The following RFTN1 variants were observed in gnomAD, a reference collection of about 807,000 sequenced individuals.
RFTN1 encodes raftlin, lipid raft linker 1.
Under a neutral mutation model 46.5 loss-of-function variants are expected in RFTN1, and 26 were observed. The observed-to-expected ratio is 0.56, with a 90% CI of 0.41 to 0.78. The LOEUF (loss-of-function observed/expected upper bound fraction) is 0.78, where lower values mean the gene tolerates loss of function less well. RFTN1 is among the 30% of genes least tolerant of loss of function. The probability of loss-of-function intolerance (pLI) is 0.00; values close to 1 mark genes in which losing one functional copy is unlikely to be tolerated. For missense variants in RFTN1, 693 were observed against 718.7 expected (o/e 0.96, Z 0.41); for synonymous variants, 261 against 284.2 (o/e 0.92, Z 0.82).
intron 3 of RFTN1, among the ~76,000 whole-genome samples, chr3:16,431,976 C>T (rs936440669): frequency 2.0e-5 from 3 of 152,134 alleles, no homozygotes; most frequent in Admixed American, 6.5e-5. Context: ...ATCCGTGTGA[C>T]CTTGACAACT....
chr3:16,434,073 A>G, intron 2 of RFTN1, 36 bp from the exon 3 acceptor site: 2 of 1,515,032 alleles, frequency 1.3e-6, no homozygotes, highest in Non-Finnish European at 8.8e-7. Flanking sequence ...TCAAAGACCC[A>G]TCACAACGCC....
intron 2 of RFTN1, among the ~76,000 whole-genome samples, chr3:16,477,649 G>C (rs1435373578): frequency 6.6e-6 from 1 of 152,162 alleles, no homozygotes; most frequent in East Asian, 1.9e-4. Context: ...TGGCACCCAG[G>C]AAAAAACAAT....
At position 16,365,925 on chromosome 3, in the gene RFTN1, C is replaced by T. The variant is rs114137170; in HGVS notation, c.1030+4151G>A. ...AAAAGAGAAGTGAGGATACAGTCAC[C>T]GCAAACACCGACTGTTACTGGAGTA... On this transcript the variant is annotated intron_variant, in intron 6 of 9. Transcript: ENST00000334133. Among the ~76,000 whole-genome samples, 1,356 of 152,248 alleles carry T rather than the reference C, an allele frequency of 8.9e-3. 25 individuals carry two copies. Among genetic ancestry groups the T allele is most frequent in the African/African-American group, 0.031 (1,307 of 41,514 alleles).
intron 3 of RFTN1, among the ~76,000 whole-genome samples, chr3:16,432,530 A>C (rs979926065): frequency 1.3e-5 from 2 of 152,112 alleles, no homozygotes; most frequent in Non-Finnish European, 2.9e-5. Context: ...GGAAATAAAA[A>C]AGAAAAGAAA....
rs1160828401 is a variant in RFTN1, at chr3:16,451,855, G to A, written c.146-17818C>T. On this transcript the variant is annotated intron_variant, in intron 2 of 9. Transcript: ENST00000334133. The surrounding 1 kb of genome is among the most constrained non-coding windows in gnomAD (Gnocchi z 4.2). The stretch of plus-strand genomic sequence containing the variant: ...AGGAAGCTCTTTACAGCTTCATTTT[G>A]GCATATCCGAATTGCCAGCATCACT... 6.6e-6 allele frequency among the ~76,000 whole-genome samples: 1 copy of A among 152,028 alleles called. No individual in the cohort carries two copies.
chr3:16,383,067 T>C lies in RFTN1; in HGVS notation c.442-4965A>G, dbSNP rs192357430. Among the ~76,000 whole-genome samples, 26 of 152,272 alleles carry C rather than the reference T, an allele frequency of 1.7e-4. No homozygotes were observed. In the East Asian group the frequency reaches 2.3e-3, roughly 14 times the overall value. ...TGCATTCCCTTAGGCCTCAAAATCATACCTTACAGAAGAGAAAACTGCTTA... is the reference window on the plus strand; with the variant it reads ...TGCATTCCCTTAGGCCTCAAAATCACACCTTACAGAAGAGAAAACTGCTTA... On this transcript the variant is annotated intron_variant, in intron 4 of 9. Transcript: ENST00000334133. This position sits in a 1 kb window ranked among gnomAD's most constrained non-coding sequence, Gnocchi z 4.0.
intron 2 of RFTN1, 45 bp from the exon 3 acceptor site, chr3:16,434,082 C>T: frequency 6.8e-7 from 1 of 1,479,942 alleles, no homozygotes; most frequent in Non-Finnish European, 9.0e-7. Context: ...CATCACAACG[C>T]CCACTCAGCC....
At position 16,495,347 on chromosome 3, in the gene RFTN1, G is replaced by A. The variant is rs932239133; in HGVS notation, c.-8-1470C>T. On this transcript the variant is annotated intron_variant, in intron 1 of 9. Coordinates refer to ENST00000334133, the MANE Select transcript of RFTN1 (RefSeq NM_015150.2). ...GGAAGCTTCTAAGTGTTGGGAACAC[G>A]TAGCCCGTCAAGATGTGCACTGTTA... 2.6e-5 allele frequency among the ~76,000 whole-genome samples: 4 copies of A among 152,344 alleles called. No individual in the cohort carries two copies. In the South Asian group the frequency reaches 6.2e-4, roughly 24 times the overall value.
intron 2 of RFTN1, among the ~76,000 whole-genome samples, chr3:16,436,011 T>C (rs958012996): frequency 6.6e-6 from 1 of 151,344 alleles, no homozygotes; most frequent in African/African-American, 2.4e-5. Flanking sequence ...TAGAGTATTA[T>C]GGATTTATCT....
intron 4 of RFTN1, among the ~76,000 whole-genome samples, chr3:16,406,582 G>A (rs1257477904): frequency 2.6e-5 from 4 of 152,132 alleles, no homozygotes; most frequent in Non-Finnish European, 2.9e-5. Context: ...AAAACCAAGT[G>A]TATGACAGGA....
Position 16,381,553 on chromosome 3 carries a change from A to ATT in RFTN1, c.442-3453_442-3452dup, listed in dbSNP as rs150870184. 2.0e-5 allele frequency among the ~76,000 whole-genome samples: 3 copies of ATT among 150,522 alleles called. No individual in the cohort carries two copies. The highest frequency in any genetic ancestry group is 4.4e-5 in the Non-Finnish European group (3 of 67,570). The stretch of plus-strand genomic sequence containing the variant: ...CCTCACCTTAAAGCATTCAAATCCA[A>ATT]TTTTTTTTTTCCAAAATGCCATGCT... On this transcript the variant is annotated intron_variant, in intron 4 of 9. Transcript: ENST00000334133. The surrounding 1 kb of genome is among the most constrained non-coding windows in gnomAD (Gnocchi z 4.2).
chr3:16,387,570 T>TTCTTTCTCTC lies in RFTN1; in HGVS notation c.442-9469_442-9468insGAGAGAAAGA, dbSNP rs1224689232. Among the ~76,000 whole-genome samples the TTCTTTCTCTC allele has an allele frequency of 5.2e-5, 6 of 116,418 alleles. No individual in the cohort carries two copies. The highest frequency in any genetic ancestry group is 2.4e-4 in the African/African-American group (6 of 25,514). 76.4% of individuals were successfully genotyped at this position (116,418 alleles called of 152,430 possible). A position where few individuals can be genotyped will look rare whatever the true frequency, so the allele number is the denominator to read the frequency against. On this transcript the variant is annotated intron_variant, in intron 4 of 9. Coordinates refer to ENST00000334133, the MANE Select transcript of RFTN1 (RefSeq NM_015150.2). This position sits in a 1 kb window ranked among gnomAD's most constrained non-coding sequence, Gnocchi z 5.2. ...CACTTCTCTCTTCTATATCCTCAAT[T>TTCTTTCTCTC]TCTCTCTCTCTCTCTCTCTCTCTCT...
chr3:16,363,892 G>A (rs945154786), intron 6 of RFTN1, among the ~76,000 whole-genome samples: 16 of 152,038 alleles, frequency 1.1e-4, no homozygotes, highest in South Asian at 6.2e-4. Flanking sequence ...CGCCAACTGC[G>A]TAAGCCCAAC....
At chr3:16,486,857 C>G (rs1185449724) in intron 2 of RFTN1, among the ~76,000 whole-genome samples, 1 of 152,232 alleles carries the variant, frequency 6.6e-6, no homozygotes, top group Non-Finnish European at 1.5e-5. Context: ...TAATGAAGGT[C>G]AAATCATGTC....
At chr3:16,403,773 A>T (rs565705837) in intron 4 of RFTN1, among the ~76,000 whole-genome samples, 5 of 14,938 alleles carry the variant, frequency 3.3e-4, no homozygotes, top group African/African-American at 1.8e-3. Flanking sequence ...ATAATATATA[A>T]TATATATTAT....
chr3:16,509,164 A>G lies in RFTN1; in HGVS notation c.-9+4278T>C, dbSNP rs761238840. ...TTAGTATAAGCCCCTGGCTGTGCCA[A>G]ACTCAGTAAGCTTAAGACAAAATGA... On this transcript the variant is annotated intron_variant, in intron 1 of 9. Transcript: ENST00000334133. The surrounding 1 kb of genome is among the most constrained non-coding windows in gnomAD (Gnocchi z 4.9). 3.3e-5 allele frequency among the ~76,000 whole-genome samples: 5 copies of G among 152,232 alleles called. No homozygotes were observed. Among genetic ancestry groups the G allele is most frequent in the Non-Finnish European group, 7.3e-5 (5 of 68,040 alleles).
chr3:16,326,962 C>A, intron 7 of RFTN1, 86 bp from the exon 8 acceptor site: 1 of 983,182 alleles, frequency 1.0e-6, no homozygotes, highest in Admixed American at 2.2e-5. Context: ...TCTGCCAATC[C>A]GCAAAACAGA....
chr3:16,495,742 C>T (rs562145942), intron 1 of RFTN1, among the ~76,000 whole-genome samples: 1 of 152,322 alleles, frequency 6.6e-6, no homozygotes, highest in South Asian at 2.1e-4. Context: ...CCACCACTAG[C>T]CCATATGGTG....
chr3:16,340,663 T>C (rs764525848), intron 7 of RFTN1, among the ~76,000 whole-genome samples: 12 of 152,256 alleles, frequency 7.9e-5, no homozygotes, highest in Non-Finnish European at 1.6e-4. Flanking sequence ...CAAAGTTACC[T>C]TGTCTTTATA....
Sources: gnomAD v4.1 joint callset for allele counts (sites outside exome capture counted in the v4.1 genomes callset) on GRCh38, gnomAD v4.1.1 for gene constraint, Gnocchi (gnomAD v3.1) non-coding constraint, MANE v1.5 for transcripts, NCBI Gene and HGNC (gene_info 2026-07-23, HGNC 2026-07-21) for gene names.